Variants in KCNIP1 observed in about 807,000 individuals in gnomAD.
KCNIP1 encodes potassium voltage-gated channel interacting protein 1, also known as A-type potassium channel modulatory protein KCNIP1.
KCNIP1 carries 18 observed loss-of-function variants against 33.0 expected under a neutral mutation model. The observed-to-expected ratio is 0.55, with a 90% CI of 0.38 to 0.81. KCNIP1 has a LOEUF of 0.81. Ranked by LOEUF, KCNIP1 falls within the 30% of genes least tolerant of loss-of-function variation. The probability of loss-of-function intolerance (pLI) is 0.00; values close to 1 mark genes in which losing one functional copy is unlikely to be tolerated. For synonymous variants in KCNIP1, 93 were observed against 98.3 expected (o/e 0.95, Z 0.32); for missense variants, 238 against 271.6 (o/e 0.88, Z 0.87).
chr5:170,640,151 CTGGGG>C (rs1760481427), intron 1 of KCNIP1, among the ~76,000 whole-genome samples: 6 of 152,196 alleles, frequency 3.9e-5, no homozygotes, highest in Admixed American at 3.3e-4. Flanking sequence ...TGCCACAGAG[CTGGGG>C]AACAGGGAGG....
intron 1 of KCNIP1, among the ~76,000 whole-genome samples, chr5:170,455,773 T>G (rs1341309824): frequency 6.6e-6 from 1 of 152,162 alleles, no homozygotes; most frequent in Non-Finnish European, 1.5e-5. Flanking sequence ...ATATAAAAAT[T>G]TATGCAATAT....
chr5:170,701,718 C>T (rs967010804), intron 1 of KCNIP1, among the ~76,000 whole-genome samples: 59 of 152,052 alleles, frequency 3.9e-4, no homozygotes, highest in Non-Finnish European at 7.1e-4. Flanking sequence ...CTCATGAGTG[C>T]CTTCTATATG....
intron 1 of KCNIP1, among the ~76,000 whole-genome samples, chr5:170,521,859 A>G (rs1341514010): frequency 6.6e-6 from 1 of 152,198 alleles, no homozygotes; most frequent in Non-Finnish European, 1.5e-5. Context: ...TATCATTCAT[A>G]TAACTTCTTG....
At chr5:170,431,111 T>G (rs1309940535) in intron 1 of KCNIP1, among the ~76,000 whole-genome samples, 4 of 152,220 alleles carry the variant, frequency 2.6e-5, no homozygotes, top group Non-Finnish European at 4.4e-5. Context: ...AGAAACAGAT[T>G]CCAATTAAGG....
chr5:170,721,025 T>C (rs981740862), intron 3 of KCNIP1, among the ~76,000 whole-genome samples: 1 of 152,332 alleles, frequency 6.6e-6, no homozygotes, highest in South Asian at 2.1e-4. Flanking sequence ...TGGGACCACA[T>C]CGGTGACTCC....
intron 1 of KCNIP1, among the ~76,000 whole-genome samples, chr5:170,488,493 C>T (rs1013710257): frequency 2.0e-5 from 3 of 152,174 alleles, no homozygotes; most frequent in East Asian, 1.9e-4. Flanking sequence ...AAGTAACATA[C>T]GGTTAAGCAT....
chr5:170,470,576 T>C (rs903166447), intron 1 of KCNIP1, among the ~76,000 whole-genome samples: 6 of 152,112 alleles, frequency 3.9e-5, no homozygotes, highest in African/African-American at 1.4e-4. Context: ...AGATCAGAAC[T>C]CCCTGATGGC....
At chr5:170,727,965 G>T (rs1285821069) in intron 5 of KCNIP1, among the ~76,000 whole-genome samples, 1 of 152,050 alleles carries the variant, frequency 6.6e-6, no homozygotes, top group Non-Finnish European at 1.5e-5. Context: ...ATAAAATAAA[G>T]AAATGCACAT....
chr5:170,668,240 G>A (rs933715452), intron 1 of KCNIP1, among the ~76,000 whole-genome samples: 8 of 152,240 alleles, frequency 5.3e-5, no homozygotes, highest in Admixed American at 5.2e-4. Flanking sequence ...CCTGGCCAGG[G>A]AGGGCAGATA....
chr5:170,730,397 G>T (rs1215886859), intron 5 of KCNIP1, among the ~76,000 whole-genome samples: 1 of 152,118 alleles, frequency 6.6e-6, no homozygotes, highest in East Asian at 1.9e-4. Flanking sequence ...CCCCTTAAAA[G>T]AAAAAGAAAG....
chr5:170,470,947 T>C (rs1756709271), intron 1 of KCNIP1, among the ~76,000 whole-genome samples: 1 of 152,184 alleles, frequency 6.6e-6, no homozygotes, highest in African/African-American at 2.4e-5. Flanking sequence ...TTCCATTTGG[T>C]GGAGGTCTGG....
chr5:170,696,735 A>G (rs1432211313), intron 1 of KCNIP1, among the ~76,000 whole-genome samples: 4 of 152,192 alleles, frequency 2.6e-5, no homozygotes, highest in Non-Finnish European at 5.9e-5. Context: ...TGTTGGGGGA[A>G]CAGCAAGTAT....
chr5:170,606,764 C>T (rs1182111267), intron 1 of KCNIP1, among the ~76,000 whole-genome samples: 3 of 152,206 alleles, frequency 2.0e-5, no homozygotes, highest in Non-Finnish European at 2.9e-5. Context: ...CGCTCACAGC[C>T]GTCCCTGCAG....
chr5:170,554,260 T>C (rs879481329), intron 1 of KCNIP1, among the ~76,000 whole-genome samples: 18 of 152,226 alleles, frequency 1.2e-4, no homozygotes, highest in Middle Eastern at 6.8e-3. Context: ...TGGCCCAGAA[T>C]GGGGACTGGG....
intron 1 of KCNIP1, among the ~76,000 whole-genome samples, chr5:170,535,728 G>A (rs1755960297): frequency 6.6e-6 from 1 of 152,204 alleles, no homozygotes; most frequent in South Asian, 2.1e-4. Context: ...TATTCAGGGA[G>A]TGAGAATTAA....
chr5:170,485,505 A>G (rs1757069017), intron 1 of KCNIP1, among the ~76,000 whole-genome samples: 1 of 152,140 alleles, frequency 6.6e-6, no homozygotes, highest in Non-Finnish European at 1.5e-5. Context: ...ACACAGACAC[A>G]TGGCCCACCT....
upstream of KCNIP1, among the ~76,000 whole-genome samples, chr5:170,503,724 T>TCACACACACACACACA (rs70979180): frequency 1.1e-3 from 153 of 136,536 alleles, 2 homozygotes; most frequent in African/African-American, 3.2e-3. Context: ...CGCACGCACA[T>TCACACACACACACACA]CACACACACA....
intron 5 of KCNIP1, among the ~76,000 whole-genome samples, chr5:170,731,376 A>C (rs1303831058): frequency 6.6e-6 from 1 of 152,204 alleles, no homozygotes; most frequent in Non-Finnish European, 1.5e-5. Flanking sequence ...CTGTACTCAT[A>C]TCAAAAGTGT....
chr5:170,362,441 A>G (rs2339020), intron 1 of KCNIP1, among the ~76,000 whole-genome samples: 39,465 of 152,150 alleles, frequency 0.26, 6,723 homozygotes, highest in African/African-American at 0.49. Context: ...CAGGACCTCC[A>G]TTCTGACTGA....
Sources: gnomAD v4.1 joint callset for allele counts (sites outside exome capture counted in the v4.1 genomes callset) on GRCh38, gnomAD v4.1.1 for gene constraint, MANE v1.5 for transcripts, NCBI Gene and HGNC (gene_info 2026-07-23, HGNC 2026-07-21) for gene names.